Variants in MTA3 observed in about 807,000 individuals in gnomAD.
The protein encoded by MTA3 is metastasis-associated protein MTA3.
MTA3 carries 34 observed loss-of-function variants against 83.5 expected under a neutral mutation model. That is an observed-to-expected ratio of 0.41 (90% CI 0.31 to 0.54). MTA3 has a LOEUF of 0.54. Among genes scored for constraint, MTA3 ranks in the 20% least tolerant of loss-of-function variants. The pLI, the probability that MTA3 is intolerant of heterozygous loss-of-function variation, is 0.33. For synonymous variants in MTA3, 303 were observed against 252.7 expected (o/e 1.20, Z -1.89); for missense variants, 761 against 726.4 (o/e 1.05, Z -0.55).
In MTA3 at chr2:42,755,058, G is replaced by A; in HGVS notation, c.*1659G>A. On this transcript the variant is annotated 3_prime_UTR_variant, in exon 17 of 17. Coordinates refer to ENST00000405094, the MANE Select transcript of MTA3 (RefSeq NM_001330442.2). ...GTGTCAGAAGCATTTGGTGAGAGGG[G>A]TGGAGGTGGCAGGCAGGGGTTCTCC... 2.0e-6 allele frequency: 2 copies of A among 985,662 alleles called. No homozygotes were observed. Among genetic ancestry groups the A allele is most frequent in the Non-Finnish European group, 2.4e-6 (2 of 830,120 alleles). The allele number at this position is 985,662 out of a possible 1,614,324, so 61.1% of individuals were successfully genotyped here.
At chr2:42,638,622 C>T (rs1687409199) in intron 4 of MTA3, among the ~76,000 whole-genome samples, 1 of 151,982 alleles carries the variant, frequency 6.6e-6, no homozygotes, top group Admixed American at 6.6e-5. Context: ...CTACCTCGGC[C>T]TCCCAAAGTG....
chr2:42,582,165 C>T (rs1422602007), intron 3 of MTA3, among the ~76,000 whole-genome samples: 1 of 152,124 alleles, frequency 6.6e-6, no homozygotes, highest in Non-Finnish European at 1.5e-5. Flanking sequence ...TCAGGCCATT[C>T]TCCTGCCTCA....
intron 2 of MTA3, among the ~76,000 whole-genome samples, chr2:42,526,709 C>A (rs916870388): frequency 1.3e-5 from 2 of 152,006 alleles, no homozygotes; most frequent in Non-Finnish European, 2.9e-5. Context: ...TAAAAGTGAA[C>A]CTGAAAGAGG....
intron 14 of MTA3, among the ~76,000 whole-genome samples, chr2:42,713,960 A>G (rs1231926479): frequency 2.0e-5 from 3 of 152,208 alleles, no homozygotes. Context: ...GTTGGGGCCA[A>G]GGAGCATACA....
At chr2:42,609,994 G>A (rs1683991386) in intron 4 of MTA3, among the ~76,000 whole-genome samples, 1 of 152,198 alleles carries the variant, frequency 6.6e-6, no homozygotes, top group African/African-American at 2.4e-5. Context: ...TAGCCACTCA[G>A]GAGGCTGAGG....
chr2:42,678,716 C>T (rs71442903), intron 8 of MTA3, among the ~76,000 whole-genome samples: 1,592 of 152,134 alleles, frequency 0.01, 9 homozygotes, highest in Non-Finnish European at 0.016. Flanking sequence ...TAAATACTGC[C>T]GTTACTCGGT....
At chr2:42,667,609 TATAGAGAGAGAAA>T (rs1558562360) in intron 8 of MTA3, among the ~76,000 whole-genome samples, 4 of 114,424 alleles carry the variant, frequency 3.5e-5, no homozygotes, top group South Asian at 3.5e-4. Context: ...TGTGTGTGTG[TATAGAGAGAGAAA>T]GAGAGAGAGA....
intron 3 of MTA3, among the ~76,000 whole-genome samples, chr2:42,583,202 C>G (rs1006993537): frequency 2.0e-5 from 3 of 152,132 alleles, no homozygotes; most frequent in Non-Finnish European, 4.4e-5. Flanking sequence ...TTGATTATCC[C>G]TATGGGTGGA....
intron 16 of MTA3, among the ~76,000 whole-genome samples, chr2:42,730,933 G>A (rs1250539858): frequency 1.3e-5 from 2 of 152,006 alleles, no homozygotes; most frequent in African/African-American, 4.8e-5. Flanking sequence ...ATTCAATCTT[G>A]GTAGGTTGTA....
intron 9 of MTA3, among the ~76,000 whole-genome samples, chr2:42,684,672 A>G (rs1007882634): frequency 1.3e-5 from 2 of 152,228 alleles, no homozygotes; most frequent in African/African-American, 4.8e-5. Context: ...AAAAAAGATA[A>G]ATAAAACCTG....
At position 42,553,888 on chromosome 2, in the gene MTA3, G is replaced by GA. The variant is rs34426567; in HGVS notation, c.-140-16540dup. On this transcript the variant is annotated intron_variant, in intron 2 of 17. Coordinates refer to the MTA3 transcript ENST00000405592. ...TCCATCTCAAAAAAAAAAAAAAAAA[G>GA]AAAAAAAAACGAAAGAAAGAAAGAA... 1.3e-4 allele frequency among the ~76,000 whole-genome samples: 16 copies of GA among 124,356 alleles called. No individual in the cohort carries two copies. In the East Asian group the frequency reaches 2.0e-3, roughly 15 times the overall value. 81.6% of individuals were successfully genotyped at this position (124,356 alleles called of 152,430 possible).
chr2:42,629,475 A>T (rs754139461), intron 4 of MTA3, among the ~76,000 whole-genome samples: 1 of 151,960 alleles, frequency 6.6e-6, no homozygotes, highest in Non-Finnish European at 1.5e-5. Context: ...TGTAATTGTG[A>T]TAGGTTAGCT....
chr2:42,724,132 A>T (rs1255380889), intron 16 of MTA3, among the ~76,000 whole-genome samples: 1 of 152,116 alleles, frequency 6.6e-6, no homozygotes, highest in Non-Finnish European at 1.5e-5. Context: ...TGAAGATTGG[A>T]TGTATTTCTT....
chr2:42,700,472 G>A (rs1438024977), intron 11 of MTA3, among the ~76,000 whole-genome samples: 2 of 152,190 alleles, frequency 1.3e-5, no homozygotes, highest in Admixed American at 6.5e-5. Context: ...TAAGACAAGT[G>A]ATGTATTCAA....
At chr2:42,680,813 A>G (rs753646035) in intron 8 of MTA3, among the ~76,000 whole-genome samples, 18 of 152,100 alleles carry the variant, frequency 1.2e-4, no homozygotes, top group Non-Finnish European at 2.2e-4. Context: ...GTGCAGTGGC[A>G]TGATCTCAGC....
At chr2:42,664,995 T>C (rs1690095789) in intron 8 of MTA3, among the ~76,000 whole-genome samples, 2 of 152,266 alleles carry the variant, frequency 1.3e-5, no homozygotes, top group Admixed American at 6.5e-5. Flanking sequence ...CAAACACTGC[T>C]AATCTAAAAT....
chr2:42,601,163 C>A (rs983825595), intron 3 of MTA3, among the ~76,000 whole-genome samples: 3 of 152,162 alleles, frequency 2.0e-5, no homozygotes, highest in East Asian at 3.9e-4. Flanking sequence ...CCTTGGCCTC[C>A]CAAAGTGCTG....
intron 8 of MTA3, among the ~76,000 whole-genome samples, chr2:42,661,779 A>G (rs984925547): frequency 6.6e-6 from 1 of 152,200 alleles, no homozygotes; most frequent in African/African-American, 2.4e-5. Flanking sequence ...ACAGAATAGT[A>G]TAGAGGATAA....
intron 14 of MTA3, among the ~76,000 whole-genome samples, chr2:42,712,117 G>A (rs4508645): frequency 0.54 from 81,756 of 151,846 alleles, 23,346 homozygotes; most frequent in African/African-American, 0.74. Context: ...GACACTGCAT[G>A]AAAGTGAAGA....
Sources: allele counts gnomAD v4.1 joint callset (sites outside exome capture counted in the v4.1 genomes callset), GRCh38; gene constraint gnomAD v4.1.1; transcripts MANE v1.5; gene names NCBI Gene and HGNC (gene_info 2026-07-23, HGNC 2026-07-21).